FRMPD3: variants seen among roughly 807,000 people sequenced by gnomAD.
The protein encoded by FRMPD3 is FERM and PDZ domain-containing protein 3.
FRMPD3 carries 42 observed loss-of-function variants against 97.9 expected under a neutral mutation model. The ratio of observed to expected loss-of-function variants is 0.43; its 90% CI spans 0.34 to 0.55. The LOEUF is 0.55. FRMPD3 is among the 20% of genes least tolerant of loss of function. The pLI is 0.03. For missense variants in FRMPD3, 1,303 were observed against 1,457.7 expected (o/e 0.89, Z 1.73); for synonymous variants, 577 against 581.1 (o/e 0.99, Z 0.10).
At chrX:107,454,250 G>A (rs935723682) in intron 1 of FRMPD3, among the ~76,000 whole-genome samples, 4 of 110,882 alleles carry the variant, frequency 3.6e-5, no homozygotes, top group Non-Finnish European at 5.7e-5. Context: ...AGCTCCTCCT[G>A]CTTTCCACTT....
chrX:107,576,908 G>T (rs1923142037), intron 13 of FRMPD3, among the ~76,000 whole-genome samples: 1 of 110,706 alleles, frequency 9.0e-6, no homozygotes, highest in Admixed American at 9.7e-5. Context: ...TAAGGCTCAT[G>T]TAGATGCAGT....
intron 1 of FRMPD3, among the ~76,000 whole-genome samples, chrX:107,471,306 T>C (rs1413408712): frequency 3.2e-5 from 3 of 92,645 alleles, no homozygotes; most frequent in African/African-American, 8.2e-5. Flanking sequence ...CCTTCTTTCC[T>C]TCCCTCCCTC....
intron 1 of FRMPD3, among the ~76,000 whole-genome samples, chrX:107,502,060 G>A (rs1168980860): frequency 9.0e-6 from 1 of 110,889 alleles, no homozygotes; most frequent in African/African-American, 3.3e-5. Flanking sequence ...AGGCAGCAGG[G>A]AGCAGCACTA....
intron 6 of FRMPD3, 141 bp downstream of exon 6, chrX:107,550,297 C>T: frequency 2.2e-6 from 1 of 455,866 alleles, no homozygotes; most frequent in Non-Finnish European, 3.8e-6. Context: ...CTTGTTAGCA[C>T]AAGGCTGCAA....
chrX:107,578,954 G>A (rs1923255516), intron 13 of FRMPD3, among the ~76,000 whole-genome samples: 2 of 111,636 alleles, frequency 1.8e-5, no homozygotes, highest in East Asian at 2.8e-4. Flanking sequence ...CCTCAGCTCA[G>A]GTTACAGTGA....
Position 107,605,228 on chromosome X carries a change from A to T in FRMPD3, c.*1855A>T, listed in dbSNP as rs1924780295. 2 of 110,861 alleles carry T rather than the reference A, an allele frequency of 1.8e-5. No homozygotes were observed. The highest frequency in any genetic ancestry group is 1.9e-4 in the Admixed American group (2 of 10,324). The allele number at this position is 110,861 out of a possible 1,213,427, so 9.1% of individuals were successfully genotyped here. A position where few individuals can be genotyped will look rare whatever the true frequency, so the allele number is the denominator to read the frequency against. On this transcript the variant is annotated 3_prime_UTR_variant, in exon 15 of 15. Transcript: ENST00000683843. ...CTTGTTTTTCAAACAAGAATGATTA[A>T]ATCTATTCATCTTACTATCCCAATA...
At chrX:107,520,438 G>A (rs929813586) in intron 1 of FRMPD3, among the ~76,000 whole-genome samples, 3 of 108,351 alleles carry the variant, frequency 2.8e-5, no homozygotes, top group African/African-American at 1.0e-4. Flanking sequence ...CCCAGAGTTC[G>A]AGACCAGCCT....
intron 3 of FRMPD3, 22 bp downstream of exon 3, chrX:107,530,533 G>C (rs773812963): frequency 9.4e-7 from 1 of 1,058,870 alleles, no homozygotes; most frequent in South Asian, 2.0e-5. Context: ...CTTTTGGCAG[G>C]AACTGATCAG....
intron 4 of FRMPD3, among the ~76,000 whole-genome samples, chrX:107,537,192 A>G (rs367546533): frequency 9.0e-6 from 1 of 111,401 alleles, no homozygotes; most frequent in Non-Finnish European, 1.9e-5. Context: ...TCCTTTTGCT[A>G]TTCCACATCT....
chrX:107,489,406 G>A (rs1426138336), intron 1 of FRMPD3, among the ~76,000 whole-genome samples: 5 of 111,524 alleles, frequency 4.5e-5, no homozygotes, highest in African/African-American at 9.8e-5. Flanking sequence ...CTGAGGAATC[G>A]CCACACTGAC....
chrX:107,542,155 A>G (rs1175303541), intron 4 of FRMPD3, among the ~76,000 whole-genome samples: 2 of 112,575 alleles, frequency 1.8e-5, no homozygotes, highest in African/African-American at 6.5e-5. Flanking sequence ...AGATCTTTCT[A>G]TCTTGCCCCT....
At chrX:107,585,492 G>A (rs775250341) in intron 13 of FRMPD3, among the ~76,000 whole-genome samples, 43 of 111,379 alleles carry the variant, frequency 3.9e-4, no homozygotes, top group African/African-American at 1.1e-3. Flanking sequence ...GAATAGGAGC[G>A]GTGAGAGGGC....
chrX:107,529,059 A>C (rs1478991875), intron 2 of FRMPD3, among the ~76,000 whole-genome samples: 1 of 112,904 alleles, frequency 8.9e-6, no homozygotes. Context: ...CACAAACTAG[A>C]GTCAAGGCTG....
At chrX:107,486,967 G>A (rs952756301) in intron 1 of FRMPD3, among the ~76,000 whole-genome samples, 4 of 110,381 alleles carry the variant, frequency 3.6e-5, no homozygotes, top group Non-Finnish European at 5.7e-5. Flanking sequence ...ATCTAGGGCC[G>A]GGCATTGTGG....
intron 1 of FRMPD3, among the ~76,000 whole-genome samples, chrX:107,480,937 AAAG>A (rs1387058589): frequency 9.1e-6 from 1 of 110,106 alleles, no homozygotes; most frequent in Non-Finnish European, 1.9e-5. Flanking sequence ...AGAAAGAAAG[AAAG>A]AAAGAAAGAA....
At chrX:107,488,888 GGTTT>G (rs909818918) in intron 1 of FRMPD3, among the ~76,000 whole-genome samples, 5 of 108,940 alleles carry the variant, frequency 4.6e-5, no homozygotes, top group Non-Finnish European at 7.6e-5. Flanking sequence ...ACAACGCGCA[GGTTT>G]GTTACATATG....
intron 12 of FRMPD3, among the ~76,000 whole-genome samples, chrX:107,574,619 G>A: frequency 1.8e-5 from 2 of 112,644 alleles, no homozygotes; most frequent in Middle Eastern, 9.2e-3. Flanking sequence ...TGCAACTTTA[G>A]CTAACAGCTG....
chrX:107,456,313 G>A (rs921897217), intron 1 of FRMPD3, among the ~76,000 whole-genome samples: 5 of 111,034 alleles, frequency 4.5e-5, no homozygotes, highest in East Asian at 5.6e-4. Context: ...GGGATGACAG[G>A]CATGAGCCAC....
At chrX:107,587,458 T>G (rs971722088) in intron 13 of FRMPD3, among the ~76,000 whole-genome samples, 1 of 111,763 alleles carries the variant, frequency 8.9e-6, no homozygotes, top group Admixed American at 9.5e-5. Context: ...CATTTAAGGT[T>G]AGTATTGTTA....
Sources: allele counts gnomAD v4.1 joint callset (sites outside exome capture counted in the v4.1 genomes callset), GRCh38; gene constraint gnomAD v4.1.1; transcripts MANE v1.5; gene names NCBI Gene and HGNC (gene_info 2026-07-23, HGNC 2026-07-21).